GPC6: variants seen among roughly 807,000 people sequenced by gnomAD.
GPC6 encodes the protein glypican-6.
GPC6 carries 14 observed loss-of-function variants against 55.2 expected under a neutral mutation model. That is an observed-to-expected ratio of 0.25 (90% CI 0.17 to 0.40). GPC6 has a LOEUF of 0.40. Among genes scored for constraint, GPC6 ranks in the 10% least tolerant of loss-of-function variants. The pLI is 1.00. For missense variants in GPC6, 641 were observed against 708.5 expected (o/e 0.90, Z 1.08); for synonymous variants, 278 against 259.6 (o/e 1.07, Z -0.68).
chr13:94,353,367 G>C (rs1026616290), intron 6 of GPC6, among the ~76,000 whole-genome samples: 3 of 152,106 alleles, frequency 2.0e-5, no homozygotes, highest in African/African-American at 2.4e-5. Context: ...ATGAGTGTTT[G>C]ATGTGACATG....
intron 1 of GPC6, among the ~76,000 whole-genome samples, chr13:93,288,280 T>C (rs1173971252): frequency 6.6e-6 from 1 of 152,148 alleles, no homozygotes; most frequent in Admixed American, 6.5e-5. Context: ...TAATTTCAAG[T>C]GTGGATATTT....
At chr13:94,277,863 A>G (rs923746117) in intron 4 of GPC6, among the ~76,000 whole-genome samples, 8 of 152,102 alleles carry the variant, frequency 5.3e-5, no homozygotes, top group African/African-American at 1.2e-4. Context: ...CTCAGGTAGC[A>G]TGATGCCTCC....
intron 2 of GPC6, among the ~76,000 whole-genome samples, chr13:93,565,243 A>G (rs1876038526): frequency 6.6e-6 from 1 of 152,078 alleles, no homozygotes; most frequent in African/African-American, 2.4e-5. Flanking sequence ...TCAGTGTAAC[A>G]TTCTGTAATT....
intron 2 of GPC6, among the ~76,000 whole-genome samples, chr13:93,804,199 C>G (rs1886468618): frequency 6.6e-6 from 1 of 152,016 alleles, no homozygotes; most frequent in Non-Finnish European, 1.5e-5. Context: ...ATGGATGAGG[C>G]TTTCATATAA....
intron 2 of GPC6, among the ~76,000 whole-genome samples, chr13:93,727,365 C>T (rs1359376599): frequency 6.6e-6 from 1 of 152,082 alleles, no homozygotes; most frequent in East Asian, 1.9e-4. Flanking sequence ...GATTTGATTA[C>T]ACAATCTCCC....
chr13:93,651,690 G>T (rs1291533227), intron 2 of GPC6, among the ~76,000 whole-genome samples: 1 of 152,130 alleles, frequency 6.6e-6, no homozygotes, highest in Non-Finnish European at 1.5e-5. Context: ...TGGAGGTGAG[G>T]AGGAAGCCTG....
chr13:93,377,444 A>G (rs780715786), intron 1 of GPC6, among the ~76,000 whole-genome samples: 9 of 152,198 alleles, frequency 5.9e-5, no homozygotes, highest in Non-Finnish European at 1.0e-4. Flanking sequence ...AGAGTTTACA[A>G]CTTGCTTTTA....
At chr13:93,816,211 G>C (rs1226284491) in intron 2 of GPC6, among the ~76,000 whole-genome samples, 3 of 151,876 alleles carry the variant, frequency 2.0e-5, no homozygotes, top group Non-Finnish European at 4.4e-5. Flanking sequence ...ATCAATTTGG[G>C]AAATCCTTTC....
rs1450207121 is a variant in GPC6, at chr13:94,109,516, T to G, written c.877+81622T>G. ...TGACTACTTATCCTAAAGTATGGCA[T>G]GACAGACAGCATCATACCACCTAGA... On this transcript the variant is annotated intron_variant, in intron 4 of 8. Transcript: ENST00000377047. 3.3e-5 allele frequency among the ~76,000 whole-genome samples: 5 copies of G among 152,256 alleles called. No homozygotes were observed. The East Asian group carries it at 9.7e-4, about 29-fold the overall frequency.
At chr13:94,206,464 G>T (rs1594056467) in intron 4 of GPC6, among the ~76,000 whole-genome samples, 1 of 151,726 alleles carries the variant, frequency 6.6e-6, no homozygotes, top group South Asian at 2.1e-4. Flanking sequence ...TTATGGAGGG[G>T]TTTTTTTTGG....
chr13:93,618,389 G>A (rs1222291028), intron 2 of GPC6, among the ~76,000 whole-genome samples: 1 of 152,050 alleles, frequency 6.6e-6, no homozygotes, highest in African/African-American at 2.4e-5. Flanking sequence ...GCCCTAGTAT[G>A]AATTTTTCAA....
intron 1 of GPC6, among the ~76,000 whole-genome samples, chr13:93,425,792 C>T (rs751629553): frequency 2.0e-5 from 3 of 152,090 alleles, no homozygotes; most frequent in African/African-American, 4.8e-5. Flanking sequence ...TGTGTCTCAC[C>T]CCTCTCCCAG....
intron 1 of GPC6, among the ~76,000 whole-genome samples, chr13:93,246,731 G>T: frequency 7.3e-6 from 1 of 136,390 alleles, no homozygotes; most frequent in Non-Finnish European, 1.5e-5. Flanking sequence ...GGCGGAGCTT[G>T]CAGTGAGCCG....
chr13:94,041,718 T>C (rs1802675902), intron 4 of GPC6, among the ~76,000 whole-genome samples: 1 of 151,872 alleles, frequency 6.6e-6, no homozygotes, highest in South Asian at 2.1e-4. Flanking sequence ...GTTTAGTATA[T>C]ATGCATTAAA....
intron 2 of GPC6, among the ~76,000 whole-genome samples, chr13:93,602,980 CTTTTTCT>C (rs148469064): frequency 0.048 from 7,272 of 151,358 alleles, 487 homozygotes; most frequent in African/African-American, 0.16. Flanking sequence ...GTATTATTTC[CTTTTTCT>C]TTTTTCTTTT....
rs143816705 is a variant in GPC6, at chr13:93,927,791, T to C, written c.711+97246T>C. On this transcript the variant is annotated intron_variant, in intron 3 of 8. Coordinates refer to ENST00000377047, the MANE Select transcript of GPC6 (RefSeq NM_005708.5). The stretch of plus-strand genomic sequence containing the variant: ...GATTCATTCAAGAATTTAACACAAT[T>C]CCTGTTATAAAAGCACTGAATAAGT... 6.0e-4 allele frequency among the ~76,000 whole-genome samples: 92 copies of C among 152,246 alleles called. 1 individual carries two copies. Among genetic ancestry groups the C allele is most frequent in the African/African-American group, 2.1e-3 (87 of 41,546 alleles).
chr13:94,308,008 AC>A (rs984591284), intron 6 of GPC6, among the ~76,000 whole-genome samples: 7 of 152,186 alleles, frequency 4.6e-5, no homozygotes, highest in Non-Finnish European at 1.0e-4. Flanking sequence ...TTAAAAAAAA[AC>A]TGTTAAGAGG....
At chr13:93,498,680 A>G (rs1466765826) in intron 1 of GPC6, among the ~76,000 whole-genome samples, 1 of 152,166 alleles carries the variant, frequency 6.6e-6, no homozygotes, top group Non-Finnish European at 1.5e-5. Flanking sequence ...AGGCCTCCCC[A>G]GCCACGTGGA....
At chr13:93,701,704 C>A (rs1322570693) in intron 2 of GPC6, among the ~76,000 whole-genome samples, 1 of 151,988 alleles carries the variant, frequency 6.6e-6, no homozygotes, top group Non-Finnish European at 1.5e-5. Flanking sequence ...TCCAAATCCT[C>A]CATTGTCATC....
Sources: allele counts gnomAD v4.1 joint callset (sites outside exome capture counted in the v4.1 genomes callset), GRCh38; gene constraint gnomAD v4.1.1; transcripts MANE v1.5; gene names NCBI Gene and HGNC (gene_info 2026-07-23, HGNC 2026-07-21).